Variants in COL7A1 observed in about 807,000 individuals in gnomAD.
COL7A1 encodes the protein collagen alpha-1(VII) chain.
COL7A1 carries 296 observed loss-of-function variants against 456.2 expected under a neutral mutation model. The ratio of observed to expected loss-of-function variants is 0.65; its 90% CI spans 0.59 to 0.71. The LOEUF (loss-of-function observed/expected upper bound fraction) is 0.71, where lower values mean the gene tolerates loss of function less well. Ranked by LOEUF, COL7A1 falls within the 30% of genes least tolerant of loss-of-function variation. The pLI, the probability that COL7A1 is intolerant of heterozygous loss-of-function variation, is 0.00. For missense variants in COL7A1, 3,441 were observed against 4,017.2 expected (o/e 0.86, Z 3.88); for synonymous variants, 1,464 against 1,525.9 (o/e 0.96, Z 0.95).
At position 48,588,179 on chromosome 3, in the gene COL7A1, A is replaced by G. The variant is rs2045419531; in HGVS notation, c.2710+103T>C. ...ACTGTCACGGATCCCGCAGACCCCC[A>G]GTGACAGACCCCGCCCACCATCACT... On this transcript the variant is annotated intron_variant, in intron 21 of 118. Coordinates refer to ENST00000681320, the MANE Select transcript of COL7A1 (RefSeq NM_000094.4). This position sits in a 1 kb window ranked among gnomAD's most constrained non-coding sequence, Gnocchi z 4.6. The G allele has an allele frequency of 6.4e-7, 1 of 1,566,276 alleles. No individual in the cohort carries two copies. Among genetic ancestry groups the G allele is most frequent in the African/African-American group, 1.4e-5 (1 of 73,604 alleles).
In COL7A1 at chr3:48,580,183, TG is replaced by T; in HGVS notation, c.5097+116del. The stretch of plus-strand genomic sequence containing the variant: ...CCCCAATGCCAGCCCCCAGCAGGCA[TG>T]GGTGGCCATCCATGCTTCCCACCTG... On this transcript the variant is annotated intron_variant, in intron 56 of 118. Transcript: ENST00000681320. The surrounding 1 kb of genome is among the most constrained non-coding windows in gnomAD (Gnocchi z 4.5). 1 of 1,533,408 alleles carries T rather than the reference TG, an allele frequency of 6.5e-7. No homozygotes were observed. The highest frequency in any genetic ancestry group is 8.9e-7 in the Non-Finnish European group (1 of 1,119,878). 95.0% of individuals were successfully genotyped at this position (1,533,408 alleles called of 1,614,324 possible).
At position 48,580,693 on chromosome 3, in the gene COL7A1, T is replaced by C; in HGVS notation, c.4981-41A>G. 1 of 1,609,120 alleles carries C rather than the reference T, an allele frequency of 6.2e-7. No individual in the cohort carries two copies. Among genetic ancestry groups the C allele is most frequent in the Non-Finnish European group, 8.5e-7 (1 of 1,176,090 alleles). ...GGCCTGAGACAGACCCTCCCAATAT[T>C]TTGCAGGTGCCCCTATGACCCGCTA... On this transcript the variant is annotated intron_variant, in intron 54 of 118. Transcript: ENST00000681320. This position sits in a 1 kb window ranked among gnomAD's most constrained non-coding sequence, Gnocchi z 4.5.
intron 45 of COL7A1, 23 bp from the exon 46 acceptor site, chr3:48,582,536 C>A: frequency 6.2e-7 from 1 of 1,614,006 alleles, no homozygotes; most frequent in Non-Finnish European, 8.5e-7. Context: ...AAAGTGTGAG[C>A]CCAGGAGGGG....
Position 48,565,077 on chromosome 3 carries a change from C to T in COL7A1, c.8620+32G>A, listed in dbSNP as rs532051347. 1 of 1,506,184 alleles carries T rather than the reference C, an allele frequency of 6.6e-7. No homozygotes were observed. The highest frequency in any genetic ancestry group is 1.1e-5 in the South Asian group (1 of 87,238). 93.3% of individuals were successfully genotyped at this position (1,506,184 alleles called of 1,614,324 possible). The stretch of plus-strand genomic sequence containing the variant: ...CAGGGCTCAGCCCTGCCTGCCCCTC[C>T]CCAGACCCCGCTGGCAGCCCCCCAT... On this transcript the variant is annotated intron_variant, in intron 117 of 118. Coordinates refer to ENST00000681320, the MANE Select transcript of COL7A1 (RefSeq NM_000094.4). This position sits in a 1 kb window ranked among gnomAD's most constrained non-coding sequence, Gnocchi z 4.5.
In COL7A1 at chr3:48,589,661, G is replaced by A; in HGVS notation, c.2108C>T (p.Thr703Ile). ...HVTQASSSSV[T>I]ITWTRVPGAT... ...GCCAGGAACCCTGGTCCAGGTAATG[G>A]TGACAGATGAGCTGCTGGCCTGAGT... The change falls in exon 17 of 119, where the codon ACC (threonine) becomes ATC (isoleucine). Residue 703 changes from threonine (T) to isoleucine (I), a missense_variant. Physicochemically the swap from Thr to Ile is moderately conservative, Grantham distance 89. This residue lies in a region of COL7A1 where 913 missense variants were observed against 1,088.2 expected (regional missense o/e 0.84). Transcript: ENST00000681320. The A allele has an allele frequency of 6.2e-7, 1 of 1,614,090 alleles. No homozygotes were observed. The highest frequency in any genetic ancestry group is 1.1e-5 in the South Asian group (1 of 91,084).
At position 48,571,224 on chromosome 3, in the gene COL7A1, C is replaced by G. The variant is rs2043898007; in HGVS notation, c.7104+19G>C. 3 of 1,614,032 alleles carry G rather than the reference C, an allele frequency of 1.9e-6. No homozygotes were observed. Among genetic ancestry groups the G allele is most frequent in the Non-Finnish European group, 2.5e-6 (3 of 1,180,048 alleles). Reference sequence around the variant, plus strand: ...CTCACGACCAGGACCCCAGCAGGGACCCTTCTGGGTACACATACCTTGAAA... The same window carrying G: ...CTCACGACCAGGACCCCAGCAGGGAGCCTTCTGGGTACACATACCTTGAAA... On this transcript the variant is annotated intron_variant, in intron 93 of 118. Coordinates refer to ENST00000681320, the MANE Select transcript of COL7A1 (RefSeq NM_000094.4). The surrounding 1 kb of genome is among the most constrained non-coding windows in gnomAD (Gnocchi z 4.6).
Position 48,580,550 on chromosome 3 carries a change from T to C in COL7A1, c.5052+31A>G, listed in dbSNP as rs1575455162. On this transcript the variant is annotated intron_variant, in intron 55 of 118. Coordinates refer to ENST00000681320, the MANE Select transcript of COL7A1 (RefSeq NM_000094.4). The surrounding 1 kb of genome is among the most constrained non-coding windows in gnomAD (Gnocchi z 4.5). ...GAATTGGCTGGTTGGAGGGTTAAGG[T>C]TGGGGTGAGGAGTCATAGGCTGGGA... The C allele has an allele frequency of 2.5e-6, 4 of 1,609,624 alleles. No homozygotes were observed. The African/African-American group carries it at 4.0e-5, about 16-fold the overall frequency.
chr3:48,583,544 C>A lies in COL7A1; in HGVS notation c.4401+12G>T. The A allele has an allele frequency of 6.2e-7, 1 of 1,613,966 alleles. No individual in the cohort carries two copies. Among genetic ancestry groups the A allele is most frequent in the Non-Finnish European group, 8.5e-7 (1 of 1,179,978 alleles). On this transcript the variant is annotated intron_variant, in intron 41 of 118. Transcript: ENST00000681320. The surrounding 1 kb of genome is among the most constrained non-coding windows in gnomAD (Gnocchi z 5.1). ...GCCCACCATATTCAGAATCCCTGGC[C>A]CCTCCACTCACCTGCTCACCCGGAG...
chr3:48,565,087 G>A lies in COL7A1; in HGVS notation c.8620+22C>T, dbSNP rs767974409. 1.3e-4 allele frequency: 195 copies of A among 1,461,072 alleles called. No homozygotes were observed. Among genetic ancestry groups the A allele is most frequent in the Non-Finnish European group, 1.5e-4 (169 of 1,111,128 alleles). 90.5% of individuals were successfully genotyped at this position (1,461,072 alleles called of 1,614,324 possible). On this transcript the variant is annotated intron_variant, in intron 117 of 118. Coordinates refer to ENST00000681320, the MANE Select transcript of COL7A1 (RefSeq NM_000094.4). The surrounding 1 kb of genome is among the most constrained non-coding windows in gnomAD (Gnocchi z 4.5). ...CCCTGCCTGCCCCTCCCCAGACCCC[G>A]CTGGCAGCCCCCCATTCTCACCATC...
rs2043937130 is a variant in COL7A1 at position 48,571,785 on chromosome 3, G to C, written c.7068+216C>G. On this transcript the variant is annotated intron_variant, in intron 92 of 118. Transcript: ENST00000681320. The surrounding 1 kb of genome is among the most constrained non-coding windows in gnomAD (Gnocchi z 4.6). ...CAGATGTGGTGAGAAACAGACCAAG[G>C]ATGGGCACACAGAAGCCAAGACAGG... The C allele has an allele frequency of 1.5e-6, 1 of 648,396 alleles. No individual in the cohort carries two copies. The highest frequency in any genetic ancestry group is 2.8e-6 in the Non-Finnish European group (1 of 362,000). 40.2% of individuals were successfully genotyped at this position (648,396 alleles called of 1,614,324 possible).
In COL7A1 at chr3:48,591,641, C is replaced by T. The variant is rs779037650; in HGVS notation, c.1507+32G>A. The stretch of plus-strand genomic sequence containing the variant: ...GCAGCCTGGGGCTCCGACACCTCCC[C>T]CACTCACTGGCCCAGCCCACAGAGC... On this transcript the variant is annotated intron_variant, in intron 12 of 118. Transcript: ENST00000681320. This position sits in a 1 kb window ranked among gnomAD's most constrained non-coding sequence, Gnocchi z 7.0. 4 of 1,613,650 alleles carry T rather than the reference C, an allele frequency of 2.5e-6. No homozygotes were observed. The highest frequency in any genetic ancestry group is 3.4e-6 in the Non-Finnish European group (4 of 1,180,006).
In COL7A1 at chr3:48,587,920, C is replaced by A. The variant is rs2045393125; in HGVS notation, c.2730G>T (p.Arg910=). 5 of 1,599,592 alleles carry A rather than the reference C, an allele frequency of 3.1e-6. No individual in the cohort carries two copies. The highest frequency in any genetic ancestry group is 1.1e-5 in the South Asian group (1 of 89,216). The change falls in exon 22 of 119, where the codon CGG becomes CGT. Residue 910 remains arginine, a synonymous_variant. Coordinates refer to ENST00000681320, the MANE Select transcript of COL7A1 (RefSeq NM_000094.4). The surrounding 1 kb of genome is among the most constrained non-coding windows in gnomAD (Gnocchi z 6.1). Reference sequence around the variant, plus strand: ...AGCTGCTGAGCTCGGGCCCCAGGACCCGGGACTGTTCCTGGCCACCTGGGG... The same window carrying A: ...AGCTGCTGAGCTCGGGCCCCAGGACACGGGACTGTTCCTGGCCACCTGGGG... ...WQPEGGQEQS[R]VLGPELSSYH... is the part of the protein sequence containing the mutation.
Position 48,584,473 on chromosome 3 carries a change from C to A in COL7A1, c.4119+12G>T, listed in dbSNP as rs1378153281. The A allele has an allele frequency of 2.5e-6, 4 of 1,613,876 alleles. No homozygotes were observed. In the African/African-American group the frequency reaches 5.3e-5, roughly 22 times the overall value. On this transcript the variant is annotated intron_variant, in intron 36 of 118. Transcript: ENST00000681320. ...ACTACACATCACTTGCCTCCACATA[C>A]CCTGCACTTACCGATGGTCCAGGGT...
chr3:48,565,097 C>G lies in COL7A1; in HGVS notation c.8620+12G>C. The stretch of plus-strand genomic sequence containing the variant: ...CCCTCCCCAGACCCCGCTGGCAGCC[C>G]CCCATTCTCACCATCACTATCCCAA... On this transcript the variant is annotated intron_variant, in intron 117 of 118. Coordinates refer to ENST00000681320, the MANE Select transcript of COL7A1 (RefSeq NM_000094.4). The surrounding 1 kb of genome is among the most constrained non-coding windows in gnomAD (Gnocchi z 4.5). 6.4e-7 allele frequency: 1 copy of G among 1,570,640 alleles called. No homozygotes were observed. Among genetic ancestry groups the G allele is most frequent in the South Asian group, 1.1e-5 (1 of 89,882 alleles).
rs914209563 is a variant in COL7A1, at chr3:48,588,433, G to T, written c.2588-29C>A. ...GAGAGAAAGCTCAGGAATCAGGGAGGCTCTGCCCCCATGGCCCCTGCACCA... is the reference window on the plus strand; with the variant it reads ...GAGAGAAAGCTCAGGAATCAGGGAGTCTCTGCCCCCATGGCCCCTGCACCA... On this transcript the variant is annotated intron_variant, in intron 20 of 118. Coordinates refer to ENST00000681320, the MANE Select transcript of COL7A1 (RefSeq NM_000094.4). This position sits in a 1 kb window ranked among gnomAD's most constrained non-coding sequence, Gnocchi z 4.6. 4.4e-6 allele frequency: 7 copies of T among 1,603,560 alleles called. No homozygotes were observed. The highest frequency in any genetic ancestry group is 5.9e-6 in the Non-Finnish European group (7 of 1,179,122).
chr3:48,575,352 C>G lies in COL7A1; in HGVS notation c.6167G>C (p.Arg2056Thr). ...CCCCAGCCTCACCCTCTCTCCTGGC[C>G]TTCCTGCCTCTCCCACACCCCCAGC... is the stretch of plus-strand genomic sequence containing the variant. ...GRAGGVGEAG[R>T]PGERGERGEK... is the part of the protein sequence containing the mutation. The change falls in exon 74 of 119, where the codon AGG becomes ACG. Residue 2056 changes from arginine (R) to threonine (T), a missense_variant. This residue lies in a region of COL7A1 where 2,084 missense variants were observed against 2,501.3 expected (regional missense o/e 0.83). Transcript: ENST00000681320. This position sits in a 1 kb window ranked among gnomAD's most constrained non-coding sequence, Gnocchi z 6.3. 1 of 1,612,672 alleles carries G rather than the reference C, an allele frequency of 6.2e-7. No homozygotes were observed. Among genetic ancestry groups the G allele is most frequent in the East Asian group, 2.2e-5 (1 of 44,796 alleles).
Position 48,591,363 on chromosome 3 carries a change from T to C in COL7A1, c.1636+101A>G. ...GGATAACGAGACAGGGAGGAGACTA[T>C]AGGGACCCAGGTGTGGAAGGAGAGG... On this transcript the variant is annotated intron_variant, in intron 13 of 118. Coordinates refer to ENST00000681320, the MANE Select transcript of COL7A1 (RefSeq NM_000094.4). The surrounding 1 kb of genome is among the most constrained non-coding windows in gnomAD (Gnocchi z 7.0). The C allele has an allele frequency of 2.0e-6, 3 of 1,500,080 alleles. No individual in the cohort carries two copies. The highest frequency in any genetic ancestry group is 1.2e-5 in the South Asian group (1 of 82,214). 92.9% of individuals were successfully genotyped at this position (1,500,080 alleles called of 1,614,324 possible).
rs775105823 is a variant in COL7A1 at position 48,572,585 on chromosome 3, C to G, written c.6901-47G>C. Reference sequence around the variant, plus strand: ...TTCCTCCTCCTCCCCCGCCCCCACCCTGCCACCCCCATGGCATTTGGAAAC... The same window carrying G: ...TTCCTCCTCCTCCCCCGCCCCCACCGTGCCACCCCCATGGCATTTGGAAAC... On this transcript the variant is annotated intron_variant, in intron 88 of 118. Coordinates refer to ENST00000681320, the MANE Select transcript of COL7A1 (RefSeq NM_000094.4). The surrounding 1 kb of genome is among the most constrained non-coding windows in gnomAD (Gnocchi z 4.6). The G allele has an allele frequency of 9.3e-6, 15 of 1,609,250 alleles. No homozygotes were observed. The highest frequency in any genetic ancestry group is 6.7e-5 in the Admixed American group (4 of 59,522).
rs990434443 is a variant in COL7A1, at chr3:48,569,695, C to G, written c.7557+30G>C. On this transcript the variant is annotated intron_variant, in intron 101 of 118. Transcript: ENST00000681320. The surrounding 1 kb of genome is among the most constrained non-coding windows in gnomAD (Gnocchi z 4.9). Reference sequence around the variant, plus strand: ...AGAGGAGTCGGGAGCACCCTGGCCCCTGCCCTGCCCTCCCCATGCCCACAC... The same window carrying G: ...AGAGGAGTCGGGAGCACCCTGGCCCGTGCCCTGCCCTCCCCATGCCCACAC... The G allele has an allele frequency of 3.1e-6, 5 of 1,614,030 alleles. No homozygotes were observed. In the African/African-American group the frequency reaches 5.3e-5, roughly 17 times the overall value.
Sources: allele counts gnomAD v4.1 joint callset, GRCh38; gene constraint gnomAD v4.1.1; regional missense constraint gnomAD v4.1.1; non-coding constraint Gnocchi (gnomAD v3.1); transcripts MANE v1.5; gene names NCBI Gene and HGNC (gene_info 2026-07-23, HGNC 2026-07-21).